ADK: variants seen among roughly 807,000 people sequenced by gnomAD.
The protein encoded by ADK is adenosine kinase, also known as N6,N6-dimethyladenosine kinase.
Under a neutral mutation model 44.7 loss-of-function variants are expected in ADK, and 24 were observed. The observed-to-expected ratio is 0.54, with a 90% CI of 0.39 to 0.76. The LOEUF (loss-of-function observed/expected upper bound fraction) is 0.76, where lower values mean the gene tolerates loss of function less well. ADK is among the 30% of genes least tolerant of loss of function. ADK has a pLI of 0.00. For missense variants in ADK, 321 were observed against 425.1 expected, an observed-to-expected ratio of 0.76 and a Z score of 2.15; for synonymous variants, 128 against 142.6, an observed-to-expected ratio of 0.90 and a Z score of 0.73.
chr10:74,328,853 A>G lies in ADK; in HGVS notation c.273+14108A>G, dbSNP rs553353196. On this transcript the variant is annotated intron_variant, in intron 4 of 10. Coordinates refer to ENST00000539909, the MANE Select transcript of ADK (RefSeq NM_006721.4). ...CTTTATAGCAGCGTGAAAATGGACT[A>G]ATACACTGTTCTCAGATTTTTCTCA... 1.1e-3 allele frequency among the ~76,000 whole-genome samples: 168 copies of G among 152,120 alleles called. 1 individual carries two copies. Among genetic ancestry groups the G allele is most frequent in the African/African-American group, 3.8e-3 (156 of 41,516 alleles).
intron 1 of ADK, among the ~76,000 whole-genome samples, chr10:74,179,357 A>C (rs1425770335): frequency 6.6e-6 from 1 of 152,196 alleles, no homozygotes; most frequent in Non-Finnish European, 1.5e-5. Flanking sequence ...AATAAGGCTG[A>C]GACCTACCAG....
chr10:74,634,439 C>T (rs12569856), intron 9 of ADK, among the ~76,000 whole-genome samples: 27,479 of 151,914 alleles, frequency 0.18, 2,751 homozygotes, highest in African/African-American at 0.25. Context: ...AGGATGGTCT[C>T]GATCTCCTGA....
chr10:74,349,177 A>G (rs1416644910), intron 4 of ADK, among the ~76,000 whole-genome samples: 2 of 152,228 alleles, frequency 1.3e-5, no homozygotes, highest in Non-Finnish European at 2.9e-5. Context: ...AGGTCAGGTT[A>G]CCTACAAAAG....
chr10:74,231,380 C>G (rs1464792312), intron 3 of ADK, among the ~76,000 whole-genome samples: 2 of 152,134 alleles, frequency 1.3e-5, no homozygotes, highest in African/African-American at 2.4e-5. Context: ...GCCCTTTTCT[C>G]TAGAACACAT....
intron 7 of ADK, among the ~76,000 whole-genome samples, chr10:74,587,474 A>G (rs1298218526): frequency 1.3e-5 from 2 of 152,186 alleles, no homozygotes; most frequent in African/African-American, 2.4e-5. Flanking sequence ...TAAATCCTCA[A>G]AATGGTTCTC....
At chr10:74,525,169 T>C (rs1229614618) in intron 6 of ADK, 87 bp from the exon 7 acceptor site, 3 of 1,277,686 alleles carry the variant, frequency 2.3e-6, no homozygotes, top group African/African-American at 3.0e-5. Flanking sequence ...TATATACTTT[T>C]GTATTTTGTA....
chr10:74,601,844 G>C lies in ADK; in HGVS notation c.877+1351G>C, dbSNP rs1353626502. On this transcript the variant is annotated intron_variant, in intron 9 of 10. Transcript: ENST00000539909. The stretch of plus-strand genomic sequence containing the variant: ...ACAGTGGCTCACACCTGTAACCCTA[G>C]CACCTTGGGAAGTCAAGGTGGGAGG... Among the ~76,000 whole-genome samples the C allele has an allele frequency of 2.0e-5, 3 of 150,988 alleles. No individual in the cohort carries two copies. The East Asian group carries it at 5.8e-4, about 29-fold the overall frequency.
At chr10:74,426,985 C>T (rs1418343496) in intron 6 of ADK, among the ~76,000 whole-genome samples, 3 of 151,884 alleles carry the variant, frequency 2.0e-5, no homozygotes, top group South Asian at 2.1e-4. Context: ...TGTTCCCTTC[C>T]GTGTGTCCAT....
chr10:74,467,829 G>A (rs4328165), intron 6 of ADK, among the ~76,000 whole-genome samples: 150,699 of 152,226 alleles, frequency 0.99, 74,672 homozygotes, highest in Middle Eastern at 1. Flanking sequence ...TATTTTTATT[G>A]TAGTTGATTT....
At chr10:74,261,843 T>C (rs565740664) in intron 3 of ADK, among the ~76,000 whole-genome samples, 2 of 151,514 alleles carry the variant, frequency 1.3e-5, no homozygotes, top group Non-Finnish European at 2.9e-5. Flanking sequence ...TATTATGGCT[T>C]TTTTTTTTCA....
chr10:74,280,764 A>T (rs1846904718), intron 3 of ADK, among the ~76,000 whole-genome samples: 1 of 151,864 alleles, frequency 6.6e-6, no homozygotes, highest in African/African-American at 2.4e-5. Context: ...TGTCACCATT[A>T]TTTTTTTGTT....
chr10:74,168,865 C>T (rs977971017), intron 1 of ADK, among the ~76,000 whole-genome samples: 20 of 152,052 alleles, frequency 1.3e-4, no homozygotes, highest in Non-Finnish European at 2.6e-4. Flanking sequence ...CCCGCCTTGT[C>T]CTTCCAAACT....
intron 1 of ADK, among the ~76,000 whole-genome samples, chr10:74,199,018 A>G (rs1335471382): frequency 6.6e-6 from 1 of 152,202 alleles, no homozygotes; most frequent in Admixed American, 6.5e-5. Context: ...GTGCATTTAA[A>G]TTTGTAAAAG....
chr10:74,159,679 G>A (rs748934900), intron 1 of ADK, among the ~76,000 whole-genome samples: 8 of 151,834 alleles, frequency 5.3e-5, no homozygotes, highest in Non-Finnish European at 7.4e-5. Flanking sequence ...TGCAACCTCC[G>A]CCTCCTGGGT....
chr10:74,669,998 A>C (rs1414966732), intron 9 of ADK, among the ~76,000 whole-genome samples, 185 bp from the exon 10 acceptor site: 1 of 152,230 alleles, frequency 6.6e-6, no homozygotes, highest in African/African-American at 2.4e-5. Flanking sequence ...GAAAGTTACC[A>C]AAAAAGTATT....
At chr10:74,377,955 C>T (rs1308373785) in intron 4 of ADK, among the ~76,000 whole-genome samples, 1 of 151,998 alleles carries the variant, frequency 6.6e-6, no homozygotes, top group Admixed American at 6.6e-5. Context: ...GGGTGATCCT[C>T]TTCAGTGACT....
At chr10:74,431,402 G>A (rs1287649420) in intron 6 of ADK, among the ~76,000 whole-genome samples, 1 of 152,194 alleles carries the variant, frequency 6.6e-6, no homozygotes, top group Non-Finnish European at 1.5e-5. Context: ...GAATGTAATG[G>A]CGACTGCAGA....
At chr10:74,380,221 T>G (rs1842936446) in intron 4 of ADK, among the ~76,000 whole-genome samples, 1 of 152,222 alleles carries the variant, frequency 6.6e-6, no homozygotes, top group Non-Finnish European at 1.5e-5. Context: ...AAGTTTGTGG[T>G]CAAGTAACAG....
intron 3 of ADK, among the ~76,000 whole-genome samples, chr10:74,294,954 C>T (rs916166447): frequency 1.3e-5 from 2 of 152,056 alleles, no homozygotes; most frequent in Non-Finnish European, 2.9e-5. Context: ...CTCCTGGGTT[C>T]AAGTGATTCT....
Sources: allele counts gnomAD v4.1 joint callset (sites outside exome capture counted in the v4.1 genomes callset), GRCh38; gene constraint gnomAD v4.1.1; transcripts MANE v1.5; gene names NCBI Gene and HGNC (gene_info 2026-07-23, HGNC 2026-07-21).